The following ADGRB3 variants were observed in gnomAD, a reference collection of about 807,000 sequenced individuals.
ADGRB3 encodes brain-specific angiogenesis inhibitor 3.
A neutral mutation model predicts 193.4 loss-of-function variants in ADGRB3; 37 were observed. The observed-to-expected ratio is 0.19, with a 90% confidence interval of 0.15 to 0.25. The LOEUF is 0.25. Ranked by LOEUF, ADGRB3 falls within the 10% of genes least tolerant of loss-of-function variation. ADGRB3 has a pLI of 1.00. For missense variants in ADGRB3, 1,637 were observed against 1,852.9 expected, an observed-to-expected ratio of 0.88 and a Z score of 2.14; for synonymous variants, 690 against 644.2, an observed-to-expected ratio of 1.07 and a Z score of -1.08.
Position 69,388,760 on chromosome 6 carries a change from C to A in ADGRB3, c.4438C>A (p.Pro1480Thr). 6.2e-7 allele frequency: 1 copy of A among 1,613,422 alleles called. No homozygotes were observed. The highest frequency in any genetic ancestry group is 1.3e-5 in the African/African-American group (1 of 74,952). The change falls in exon 32 of 32, where the codon CCG (proline) becomes ACG (threonine). Residue 1480 changes from proline (P) to threonine (T), a missense_variant. Coordinates refer to ENST00000370598, the MANE Select transcript of ADGRB3 (RefSeq NM_001704.3). ...WDTFKNPSEY[P>T]HYTTINVLDT... ...CACTTTCAAAAACCCCAGTGAATAC[C>A]CGCATTACACCACAATCAATGTCTT...
At chr6:68,976,068 AG>A (rs1768738580) in intron 10 of ADGRB3, among the ~76,000 whole-genome samples, 1 of 152,192 alleles carries the variant, frequency 6.6e-6, no homozygotes, top group Non-Finnish European at 1.5e-5. Flanking sequence ...TATGAACATG[AG>A]CCAACTGGGA....
chr6:69,241,461 A>G (rs1349431434), intron 20 of ADGRB3, among the ~76,000 whole-genome samples: 2 of 151,898 alleles, frequency 1.3e-5, no homozygotes, highest in Non-Finnish European at 2.9e-5. Flanking sequence ...CAAATGTCCA[A>G]TGGCTACATG....
intron 3 of ADGRB3, among the ~76,000 whole-genome samples, chr6:68,814,450 C>T (rs1767585077): frequency 1.3e-5 from 2 of 152,022 alleles, no homozygotes; most frequent in African/African-American, 4.8e-5. Context: ...GGATATTAGC[C>T]CTTTGTCAGA....
At chr6:68,941,825 T>A (rs1305391613) in intron 5 of ADGRB3, among the ~76,000 whole-genome samples, 1 of 151,458 alleles carries the variant, frequency 6.6e-6, no homozygotes, top group Non-Finnish European at 1.5e-5. Context: ...TTTGCCATAA[T>A]TGATCATATA....
intron 16 of ADGRB3, among the ~76,000 whole-genome samples, chr6:69,074,677 T>C (rs1772176112): frequency 6.6e-6 from 1 of 151,940 alleles, no homozygotes; most frequent in Admixed American, 6.6e-5. Context: ...CCAGAGTAGC[T>C]GGGACTACAG....
At chr6:69,024,331 C>G (rs1234466444) in intron 13 of ADGRB3, among the ~76,000 whole-genome samples, 3 of 152,106 alleles carry the variant, frequency 2.0e-5, no homozygotes, top group African/African-American at 7.2e-5. Flanking sequence ...TTAAGATAAA[C>G]TTTATGGGAT....
intron 17 of ADGRB3, among the ~76,000 whole-genome samples, chr6:69,113,259 T>C (rs1453143507): frequency 1.3e-5 from 2 of 152,020 alleles, no homozygotes; most frequent in African/African-American, 4.8e-5. Context: ...ATGTACAATA[T>C]ACATATGTAT....
chr6:68,799,590 A>G (rs1767274871), intron 3 of ADGRB3, among the ~76,000 whole-genome samples: 1 of 152,196 alleles, frequency 6.6e-6, no homozygotes, highest in Non-Finnish European at 1.5e-5. Flanking sequence ...ACCTGTCCTT[A>G]GGTAGTGTAC....
chr6:69,197,819 G>A (rs191525877), intron 17 of ADGRB3, among the ~76,000 whole-genome samples: 6 of 152,136 alleles, frequency 3.9e-5, no homozygotes, highest in African/African-American at 1.4e-4. Context: ...GACAAAGAAG[G>A]ATTCATGAAG....
At chr6:68,786,530 A>G (rs1378262473) in intron 3 of ADGRB3, among the ~76,000 whole-genome samples, 3 of 152,200 alleles carry the variant, frequency 2.0e-5, no homozygotes, top group Non-Finnish European at 4.4e-5. Flanking sequence ...TTTTGGTACC[A>G]GTACCATGCT....
intron 23 of ADGRB3, chr6:69,331,492 A>G: frequency 1.0e-6 from 1 of 979,200 alleles, no homozygotes; most frequent in Non-Finnish European, 1.2e-6. Flanking sequence ...GAAGGTAGTG[A>G]CATCCTACTA....
At chr6:69,100,167 T>C (rs1445865741) in intron 17 of ADGRB3, among the ~76,000 whole-genome samples, 1 of 152,210 alleles carries the variant, frequency 6.6e-6, no homozygotes, top group African/African-American at 2.4e-5. Context: ...AATATTTCTG[T>C]ATGTGTTTCT....
At chr6:69,230,131 TG>T (rs1392011912) in intron 17 of ADGRB3, among the ~76,000 whole-genome samples, 1 of 152,190 alleles carries the variant, frequency 6.6e-6, no homozygotes, top group African/African-American at 2.4e-5. Context: ...AATGACTTAA[TG>T]CCCAGATAGG....
At chr6:69,124,889 TTTTTTTTCTTTAAATG>T (rs1330323476) in intron 17 of ADGRB3, among the ~76,000 whole-genome samples, 5 of 151,930 alleles carry the variant, frequency 3.3e-5, no homozygotes. Context: ...TTTTGCCATT[TTTTTTTTCTTTAAATG>T]CCTTAAGATG....
intron 17 of ADGRB3, among the ~76,000 whole-genome samples, chr6:69,082,245 A>G (rs1772408553): frequency 6.6e-6 from 1 of 152,034 alleles, no homozygotes; most frequent in Non-Finnish European, 1.5e-5. Flanking sequence ...ATCTTGGCAC[A>G]CAGAAAATAT....
intron 29 of ADGRB3, among the ~76,000 whole-genome samples, chr6:69,363,437 T>C (rs536392039): frequency 6.6e-6 from 1 of 152,172 alleles, no homozygotes; most frequent in South Asian, 2.1e-4. Flanking sequence ...CATTAGCAGA[T>C]CCTCAAATCA....
chr6:68,786,418 C>A (rs879910139), intron 3 of ADGRB3, among the ~76,000 whole-genome samples: 1,581 of 152,198 alleles, frequency 0.01, 18 homozygotes, highest in Admixed American at 0.028. Flanking sequence ...GGAATCCTTT[C>A]CCCATTTCTT....
At chr6:69,008,855 G>A (rs897995717) in intron 11 of ADGRB3, among the ~76,000 whole-genome samples, 1 of 151,984 alleles carries the variant, frequency 6.6e-6, no homozygotes, top group Non-Finnish European at 1.5e-5. Context: ...AGAAGAGTTC[G>A]ATCCCATATT....
chr6:69,374,237 T>G (rs1375211068), intron 30 of ADGRB3, among the ~76,000 whole-genome samples: 2 of 152,126 alleles, frequency 1.3e-5, no homozygotes, highest in East Asian at 1.9e-4. Context: ...ATAACAGGTA[T>G]GTGGCAGATA....
Sources: allele counts gnomAD v4.1 joint callset (sites outside exome capture counted in the v4.1 genomes callset), GRCh38; gene constraint gnomAD v4.1.1; transcripts MANE v1.5; gene names NCBI Gene and HGNC (gene_info 2026-07-23, HGNC 2026-07-21).